Variants in KCNH8 observed in about 807,000 individuals in gnomAD.
KCNH8 encodes voltage-gated delayed rectifier potassium channel KCNH8.
A neutral mutation model predicts 103.6 loss-of-function variants in KCNH8; 70 were observed. The ratio of observed to expected loss-of-function variants is 0.68; its 90% confidence interval spans 0.56 to 0.82. The LOEUF (loss-of-function observed/expected upper bound fraction) is 0.82. KCNH8 is among the 40% of genes least tolerant of loss of function. The pLI is 0.00. For missense variants in KCNH8, 1,217 were observed against 1,329.9 expected (o/e 0.92, Z 1.32); for synonymous variants, 498 against 489.4 (o/e 1.02, Z -0.23).
intron 2 of KCNH8, among the ~76,000 whole-genome samples, chr3:19,269,796 C>T (rs1004726222): frequency 1.3e-5 from 2 of 152,122 alleles, no homozygotes; most frequent in Non-Finnish European, 2.9e-5. Flanking sequence ...CCCTCTAGGC[C>T]ATTGGTGGCC....
At chr3:19,511,151 C>G (rs1326633217) in intron 12 of KCNH8, among the ~76,000 whole-genome samples, 2 of 151,620 alleles carry the variant, frequency 1.3e-5, no homozygotes, top group Non-Finnish European at 2.9e-5. Context: ...CCTAGCCCCC[C>G]ACCCCCCACA....
chr3:19,210,829 A>T (rs1372881563), intron 1 of KCNH8, among the ~76,000 whole-genome samples: 1 of 152,198 alleles, frequency 6.6e-6, no homozygotes, highest in Non-Finnish European at 1.5e-5. Context: ...TGACAGCACC[A>T]TCTGGGCAGA....
chr3:19,298,642 G>C (rs985815717), intron 3 of KCNH8, among the ~76,000 whole-genome samples: 4 of 152,192 alleles, frequency 2.6e-5, no homozygotes, highest in Non-Finnish European at 4.4e-5. Context: ...AGAGAAACAG[G>C]CTGGGCAGAG....
intron 3 of KCNH8, among the ~76,000 whole-genome samples, chr3:19,323,797 G>A (rs1472732224): frequency 1.3e-5 from 2 of 152,158 alleles, no homozygotes; most frequent in Admixed American, 1.3e-4. Flanking sequence ...ACCCAGTGGA[G>A]CAACTGGGAT....
chr3:19,374,851 C>T (rs1181672423), intron 5 of KCNH8, among the ~76,000 whole-genome samples: 1 of 151,954 alleles, frequency 6.6e-6, no homozygotes, highest in Admixed American at 6.6e-5. Flanking sequence ...TTTTATTTCT[C>T]CCTTCACTTA....
chr3:19,403,361 AATATATATATATATATATAT>A (rs57523893), intron 7 of KCNH8, among the ~76,000 whole-genome samples: 74,697 of 124,796 alleles, frequency 0.6, 21,652 homozygotes, highest in African/African-American at 0.71. Context: ...ATATGTAAAG[AATATATATATATATATATAT>A]ATATATATAT....
At chr3:19,323,830 C>A (rs1008319744) in intron 3 of KCNH8, among the ~76,000 whole-genome samples, 1 of 152,176 alleles carries the variant, frequency 6.6e-6, no homozygotes, top group African/African-American at 2.4e-5. Context: ...TGGAGAGTGT[C>A]TGCAAAGAGT....
chr3:19,288,181 CTTTTTTTTTTTTTTTT>C (rs767659898), intron 3 of KCNH8, among the ~76,000 whole-genome samples: 14 of 38,176 alleles, frequency 3.7e-4, no homozygotes, highest in Admixed American at 6.1e-4. Flanking sequence ...TATCAAACTT[CTTTTTTTTTTTTTTTT>C]TTTTTTTTTT....
chr3:19,174,756 CTGTT>C (rs1489014177), intron 1 of KCNH8, among the ~76,000 whole-genome samples: 1 of 152,070 alleles, frequency 6.6e-6, no homozygotes, highest in Admixed American at 6.6e-5. Context: ...ATGGATATGA[CTGTT>C]AAAGTCTGGA....
intron 1 of KCNH8, among the ~76,000 whole-genome samples, chr3:19,156,765 T>C (rs2063184587): frequency 1.3e-5 from 2 of 152,124 alleles, no homozygotes. Flanking sequence ...TATAGTGATA[T>C]CATTTTGGAT....
At chr3:19,370,308 T>G (rs2066070853) in intron 5 of KCNH8, among the ~76,000 whole-genome samples, 1 of 152,038 alleles carries the variant, frequency 6.6e-6, no homozygotes, top group Non-Finnish European at 1.5e-5. Flanking sequence ...ACTCTCAGAA[T>G]TCAGCTAAAC....
At chr3:19,354,387 G>A (rs2065848689) in intron 5 of KCNH8, among the ~76,000 whole-genome samples, 2 of 152,064 alleles carry the variant, frequency 1.3e-5, no homozygotes, top group Non-Finnish European at 2.9e-5. Flanking sequence ...CTACTTTAAA[G>A]TTCATATGGA....
chr3:19,380,945 T>C (rs1036555314), intron 5 of KCNH8, among the ~76,000 whole-genome samples: 1 of 152,238 alleles, frequency 6.6e-6, no homozygotes, highest in Admixed American at 6.5e-5. Flanking sequence ...GAAATCATAA[T>C]GTGCTTAAGT....
intron 1 of KCNH8, among the ~76,000 whole-genome samples, chr3:19,188,241 A>G (rs1056239125): frequency 6.6e-6 from 1 of 152,094 alleles, no homozygotes; most frequent in African/African-American, 2.4e-5. Flanking sequence ...TTTTATGATA[A>G]TATTTGTCTA....
chr3:19,284,906 G>T (rs1421373882), intron 3 of KCNH8, among the ~76,000 whole-genome samples: 3 of 148,190 alleles, frequency 2.0e-5, no homozygotes, highest in Non-Finnish European at 3.0e-5. Flanking sequence ...GAAAAGAAAA[G>T]GAAAGAAAGA....
At chr3:19,318,826 A>G (rs528976028) in intron 3 of KCNH8, among the ~76,000 whole-genome samples, 8 of 151,512 alleles carry the variant, frequency 5.3e-5, no homozygotes, top group Non-Finnish European at 8.9e-5. Flanking sequence ...TTACTTTATG[A>G]TTTTTTTATT....
At chr3:19,448,866 A>G (rs2067401067) in intron 8 of KCNH8, 1 of 579,700 alleles carries the variant, frequency 1.7e-6, no homozygotes, top group Admixed American at 2.4e-5. Flanking sequence ...TAAAATCTGA[A>G]TATTACTTAG....
At chr3:19,160,944 C>T (rs1314784999) in intron 1 of KCNH8, among the ~76,000 whole-genome samples, 3 of 151,934 alleles carry the variant, frequency 2.0e-5, no homozygotes, top group Admixed American at 1.3e-4. Context: ...TTCGGCACCA[C>T]CAAAAAGAAG....
chr3:19,230,532 T>A (rs1227284918), intron 1 of KCNH8, among the ~76,000 whole-genome samples: 1 of 152,232 alleles, frequency 6.6e-6, no homozygotes, highest in Non-Finnish European at 1.5e-5. Flanking sequence ...TCTTGAAAGA[T>A]AGTTTTAGAT....
Sources: gnomAD v4.1 joint callset for allele counts (sites outside exome capture counted in the v4.1 genomes callset) on GRCh38, gnomAD v4.1.1 for gene constraint, MANE v1.5 for transcripts, NCBI Gene and HGNC (gene_info 2026-07-23, HGNC 2026-07-21) for gene names.